TRMT9B: variants seen among roughly 807,000 people sequenced by gnomAD.
TRMT9B encodes probable tRNA methyltransferase 9B.
In TRMT9B, 16 loss-of-function variants were observed where a neutral mutation model predicts 11.5. That is an observed-to-expected ratio of 1.39 (90% CI 0.94 to 2.11). TRMT9B has a LOEUF of 2.11. Ranked by LOEUF, TRMT9B falls within the 30% of genes most tolerant of loss-of-function variation. TRMT9B has a pLI of 0.00. For missense variants in TRMT9B, 941 were observed against 553.8 expected, an observed-to-expected ratio of 1.70 and a Z score of -7.02; for synonymous variants, 274 against 192.4, an observed-to-expected ratio of 1.42 and a Z score of -3.51.
At chr8:12,948,275 C>A (rs1163617203) in intron 1 of TRMT9B, among the ~76,000 whole-genome samples, 1 of 151,682 alleles carries the variant, frequency 6.6e-6, no homozygotes, top group African/African-American at 2.4e-5. Flanking sequence ...TTTATTGAAT[C>A]CTGTAGTAAA....
At chr8:12,972,176 A>G (rs776465850) in intron 1 of TRMT9B, among the ~76,000 whole-genome samples, 1 of 152,208 alleles carries the variant, frequency 6.6e-6, no homozygotes, top group South Asian at 2.1e-4. Context: ...CAGGATGGCA[A>G]GAACAACAGC....
At chr8:12,958,661 C>G (rs1467456382) in intron 1 of TRMT9B, 2 of 152,952 alleles carry the variant, frequency 1.3e-5, no homozygotes, top group Non-Finnish European at 2.9e-5. Flanking sequence ...ATGTCAGAAT[C>G]TGAACAAAGT....
chr8:13,004,967 G>A (rs1443710216), intron 2 of TRMT9B, among the ~76,000 whole-genome samples: 1 of 151,734 alleles, frequency 6.6e-6, no homozygotes, highest in Admixed American at 6.6e-5. Context: ...GCAGTCCCTG[G>A]CTCCCAGACA....
intron 2 of TRMT9B, among the ~76,000 whole-genome samples, chr8:12,995,663 T>G (rs1304726298): frequency 6.6e-6 from 1 of 152,194 alleles, no homozygotes; most frequent in African/African-American, 2.4e-5. Flanking sequence ...GTCTTCTTTG[T>G]GTTGTTTTTG....
rs796369934 is a variant in TRMT9B, at chr8:13,021,955, G to A, written c.1276G>A (p.Glu426Lys). The change falls in exon 5 of 5, where the codon GAG becomes AAG. Residue 426 changes from glutamate to lysine, a missense_variant. By Grantham distance (56) the Glu-to-Lys change is moderately conservative (BLOSUM62 1). Coordinates refer to ENST00000524591, the MANE Select transcript of TRMT9B (RefSeq NM_020844.3). The stretch of plus-strand genomic sequence containing the variant: ...AGGGGAGCTCTGCAGTCTGCTCAAG[G>A]AGAATGTGTCAGAGCTCCGTATCCT... ...REGELCSLLK[E>K]NVSELRILSS... is the part of the protein sequence containing the mutation. 1.2e-6 allele frequency: 2 copies of A among 1,613,742 alleles called. No homozygotes were observed. The highest frequency in any genetic ancestry group is 8.5e-7 in the Non-Finnish European group (1 of 1,179,866).
intron 3 of TRMT9B, among the ~76,000 whole-genome samples, chr8:13,009,441 T>TA: frequency 6.6e-6 from 1 of 152,318 alleles, no homozygotes; most frequent in East Asian, 1.9e-4. Context: ...AACCCACTGA[T>TA]ACGGTTCGGC....
chr8:12,965,726 G>C (rs1802723155), intron 1 of TRMT9B, among the ~76,000 whole-genome samples: 1 of 152,012 alleles, frequency 6.6e-6, no homozygotes, highest in Admixed American at 6.6e-5. Flanking sequence ...AGCAAGGTGG[G>C]GCAGGCTGGG....
chr8:12,963,209 G>T (rs551459107), intron 1 of TRMT9B, among the ~76,000 whole-genome samples: 1 of 152,072 alleles, frequency 6.6e-6, no homozygotes, highest in Non-Finnish European at 1.5e-5. Context: ...CAAGGTGGGC[G>T]ATTCATGAGG....
chr8:12,958,145 G>A (rs1308716476), intron 1 of TRMT9B, among the ~76,000 whole-genome samples: 2 of 152,160 alleles, frequency 1.3e-5, no homozygotes, highest in African/African-American at 4.8e-5. Context: ...GTTCATCCAT[G>A]TTATAGTGTA....
rs75680385 is a variant in TRMT9B, at chr8:13,028,506, G to T, written c.*6462G>T. On this transcript the variant is annotated 3_prime_UTR_variant, in exon 5 of 5. Transcript: ENST00000524591. ...CTTGATGTTGAATTCCCTGAAGAAG[G>T]TACAATTATATTTACATTCCCTTAG... is the stretch of plus-strand genomic sequence containing the variant. 0.019 allele frequency: 3,112 copies of T among 166,196 alleles called. 82 individuals carry two copies. Among genetic ancestry groups the T allele is most frequent in the African/African-American group, 0.055 (2,254 of 41,242 alleles). 10.3% of individuals were successfully genotyped at this position (166,196 alleles called of 1,614,324 possible).
chr8:13,015,546 G>C (rs569639318), intron 4 of TRMT9B, among the ~76,000 whole-genome samples: 1 of 136,916 alleles, frequency 7.3e-6, no homozygotes, highest in Non-Finnish European at 1.6e-5. Context: ...TGTAGAGATG[G>C]GGTTGCCATA....
chr8:12,949,527 G>A (rs1044473593), intron 1 of TRMT9B, among the ~76,000 whole-genome samples: 2 of 151,900 alleles, frequency 1.3e-5, no homozygotes, highest in African/African-American at 4.8e-5. Context: ...AATTCTACTG[G>A]TGGTCACTGA....
chr8:13,001,445 C>A (rs1809434943), intron 2 of TRMT9B, among the ~76,000 whole-genome samples: 1 of 152,152 alleles, frequency 6.6e-6, no homozygotes, highest in African/African-American at 2.4e-5. Flanking sequence ...CCGTCTCATA[C>A]TTTTAGTCTT....
At chr8:12,986,988 T>C (rs1806423964) in intron 1 of TRMT9B, among the ~76,000 whole-genome samples, 1 of 152,250 alleles carries the variant, frequency 6.6e-6, no homozygotes, top group African/African-American at 2.4e-5. Flanking sequence ...CTTGTTGAAA[T>C]AATTCAGTGG....
chr8:12,967,256 C>A (rs1009049471), intron 1 of TRMT9B, among the ~76,000 whole-genome samples: 4 of 152,152 alleles, frequency 2.6e-5, no homozygotes, highest in Middle Eastern at 3.2e-3. Flanking sequence ...GTGGGTTGAA[C>A]AAAGGCATAG....
intron 4 of TRMT9B, among the ~76,000 whole-genome samples, chr8:13,018,835 C>T (rs1813290424): frequency 6.6e-6 from 1 of 152,154 alleles, no homozygotes; most frequent in Middle Eastern, 3.4e-3. Context: ...TCTTCCAAGG[C>T]TTAGAAACAC....
In TRMT9B at chr8:12,989,004, G is replaced by T. The variant is rs143076699; in HGVS notation, c.-199-1830G>T. ...GAGAGCTCTTTTATCTGTATCCCTA[G>T]TGCCTTACATCTGCCAGAGATTCAG... On this transcript the variant is annotated intron_variant, in intron 1 of 4. Coordinates refer to ENST00000524591, the MANE Select transcript of TRMT9B (RefSeq NM_020844.3). Among the ~76,000 whole-genome samples the T allele has an allele frequency of 7.8e-4, 118 of 152,206 alleles. 2 individuals carry two copies. Among genetic ancestry groups the T allele is most frequent in the African/African-American group, 2.6e-3 (109 of 41,532 alleles).
rs189949236 is a variant in TRMT9B, at chr8:12,949,894, C to G, written c.-200+3928C>G. Among the ~76,000 whole-genome samples, 19 of 152,128 alleles carry G rather than the reference C, an allele frequency of 1.2e-4. 1 individual carries two copies. In the East Asian group the frequency reaches 3.7e-3, roughly 29 times the overall value. On this transcript the variant is annotated intron_variant, in intron 1 of 4. Transcript: ENST00000524591. ...TATTTTGAGATAGGTTCTCTGTCACCCAGGCTGGAATGCAGTGGTGCAAGC... is the reference window on the plus strand; with the variant it reads ...TATTTTGAGATAGGTTCTCTGTCACGCAGGCTGGAATGCAGTGGTGCAAGC...
intron 2 of TRMT9B, among the ~76,000 whole-genome samples, chr8:12,994,709 T>G (rs111461498): frequency 0.011 from 1,671 of 152,270 alleles, 25 homozygotes; most frequent in African/African-American, 0.037. Flanking sequence ...GAGACGGAGT[T>G]TCGCTCCTGT....
Sources: gnomAD v4.1 joint callset for allele counts (sites outside exome capture counted in the v4.1 genomes callset) on GRCh38, gnomAD v4.1.1 for gene constraint, MANE v1.5 for transcripts, NCBI Gene and HGNC (gene_info 2026-07-23, HGNC 2026-07-21) for gene names.